The following MFSD12 variants were observed in gnomAD, a reference collection of about 807,000 sequenced individuals.
The protein encoded by MFSD12 is major facilitator superfamily domain-containing protein 12.
In MFSD12, 67 loss-of-function variants were observed where a neutral mutation model predicts 51.2. The ratio of observed to expected loss-of-function variants is 1.31; its 90% confidence interval spans 1.08 to 1.60. The LOEUF (loss-of-function observed/expected upper bound fraction) is 1.60. Ranked by LOEUF, MFSD12 falls within the 40% of genes most tolerant of loss-of-function variation. MFSD12 has a pLI of 0.00. For synonymous variants in MFSD12, 441 were observed against 316.7 expected, an observed-to-expected ratio of 1.39 and a Z score of -4.17; for missense variants, 921 against 673.0, an observed-to-expected ratio of 1.37 and a Z score of -4.08.
intron 6 of MFSD12, 92 bp from the exon 7 acceptor site, chr19:3,546,517 A>C (rs1419926875): frequency 1.9e-5 from 27 of 1,430,662 alleles, no homozygotes; most frequent in Non-Finnish European, 2.5e-5. Flanking sequence ...ACCCCAGCAA[A>C]CAAGGCATGA....
chr19:3,542,362 A>AT, downstream of MFSD12: 2 of 985,336 alleles, frequency 2.0e-6, no homozygotes, highest in South Asian at 9.4e-5. Context: ...GGCAGATGAG[A>AT]TTGTTTTGAA....
intron 4 of MFSD12, chr19:3,539,186 C>T (rs1359845700): frequency 5.2e-6 from 8 of 1,550,320 alleles, no homozygotes; most frequent in Non-Finnish European, 6.1e-6. Context: ...ACATGCAAAC[C>T]CTCAGGCAAG....
At chr19:3,548,773 CAGG>C (rs1307511129) in intron 2 of MFSD12, among the ~76,000 whole-genome samples, 2 of 152,316 alleles carry the variant, frequency 1.3e-5, no homozygotes, top group South Asian at 2.1e-4. Flanking sequence ...GTGAGCACAG[CAGG>C]AGGTCAGCTG....
intron 1 of MFSD12, among the ~76,000 whole-genome samples, chr19:3,554,450 C>CAAAAAA (rs1187548758): frequency 4.2e-5 from 3 of 71,786 alleles, no homozygotes; most frequent in South Asian, 4.2e-4. Context: ...AACAACAAAA[C>CAAAAAA]AAAAAAAAAA....
At chr19:3,545,884 G>C (rs17674497) in intron 8 of MFSD12, among the ~76,000 whole-genome samples, 190 bp downstream of exon 8, 1 of 152,076 alleles carries the variant, frequency 6.6e-6, no homozygotes, top group East Asian at 1.9e-4. Context: ...TGGACCCAAC[G>C]TTTGTTGAGT....
downstream of MFSD12, chr19:3,542,081 A>C: frequency 3.1e-6 from 3 of 977,668 alleles, no homozygotes; most frequent in South Asian, 1.4e-4. Context: ...AAGTGCTGGG[A>C]TTACAGGCAT....
At chr19:3,543,361 G>A (rs377153853), downstream of MFSD12, 266 of 1,549,376 alleles carry the variant, frequency 1.7e-4, 2 homozygotes, top group East Asian at 3.5e-3. Flanking sequence ...TGACCAACTC[G>A]GACGCCTGGG....
intron 1 of MFSD12, among the ~76,000 whole-genome samples, chr19:3,553,647 G>T (rs2031587184): frequency 7.2e-6 from 1 of 138,660 alleles, no homozygotes. Context: ...GCGGGCGCCT[G>T]TAGTCCCAGC....
downstream of MFSD12, among the ~76,000 whole-genome samples, chr19:3,541,257 G>GC (rs1286561115): frequency 2.0e-5 from 3 of 151,270 alleles, no homozygotes; most frequent in African/African-American, 4.9e-5. Context: ...GATCGCTTGA[G>GC]CCTAGGAGGT....
At position 3,539,141 on chromosome 19, in the gene MFSD12, A is replaced by G. The variant is rs776257605; in HGVS notation, c.*6-385T>C. ...TTTATGCTGTCAACGGTGGCCTCAG[A>G]GGCCTTCTGGCAGGAGCCCGGGGGA... is the stretch of plus-strand genomic sequence containing the variant. On this transcript the variant is annotated intron_variant, in intron 4 of 4. Coordinates refer to the MFSD12 transcript ENST00000398558. The G allele has an allele frequency of 3.4e-6, 5 of 1,467,824 alleles. No individual in the cohort carries two copies. The East Asian group carries it at 1.2e-4, about 36-fold the overall frequency. 90.9% of individuals were successfully genotyped at this position (1,467,824 alleles called of 1,614,324 possible). A position where few individuals can be genotyped will look rare whatever the true frequency, so the allele number is the denominator to read the frequency against.
At chr19:3,553,804 G>A (rs1471456595) in intron 1 of MFSD12, among the ~76,000 whole-genome samples, 4 of 150,944 alleles carry the variant, frequency 2.6e-5, no homozygotes, top group Non-Finnish European at 5.9e-5. Context: ...AGAAGAGGCT[G>A]GGTGCGGTGG....
At chr19:3,544,964 T>G (rs1272082866) in intron 8 of MFSD12, 25 bp from the exon 9 acceptor site, 29 of 1,588,294 alleles carry the variant, frequency 1.8e-5, no homozygotes, top group Non-Finnish European at 2.4e-5. Context: ...GGGGGATGAG[T>G]AGGCACCGCG....
intron 6 of MFSD12, among the ~76,000 whole-genome samples, chr19:3,547,069 AC>A (rs1355488769): frequency 2.0e-5 from 3 of 152,038 alleles, no homozygotes; most frequent in Non-Finnish European, 4.4e-5. Context: ...CGATCTCCTG[AC>A]CTCGTGATCC....
chr19:3,540,519 G>T (rs2030296842), downstream of MFSD12, among the ~76,000 whole-genome samples: 1 of 151,026 alleles, frequency 6.6e-6, no homozygotes, highest in Non-Finnish European at 1.5e-5. Context: ...GCCTCCCAAA[G>T]TGCTGGGATT....
exon 5 of MFSD12, chr19:3,538,751 C>G (rs765221736): frequency 2.0e-6 from 1 of 494,534 alleles, no homozygotes; most frequent in Admixed American, 2.3e-5. Context: ...GCGTGCAGGT[C>G]TCATCCTGGG....
At position 3,547,886 on chromosome 19, in the gene MFSD12, G is replaced by T; in HGVS notation, c.799C>A (p.Leu267Ile). 6.5e-7 allele frequency: 1 copy of T among 1,550,144 alleles called. No homozygotes were observed. The change falls in exon 4 of 10, where the codon CTC (leucine) becomes ATC (isoleucine). Residue 267 changes from leucine to isoleucine, a missense_variant. Coordinates refer to ENST00000355415, the MANE Select transcript of MFSD12 (RefSeq NM_174983.5). ...LAPATAQPLL[L>I]WKHWLREPAF... The stretch of plus-strand genomic sequence containing the variant: ...GGCTCCCGGAGCCAGTGCTTCCAGA[G>T]CAGCAGGGGCTGGGCCGTGGCAGGG...
At chr19:3,547,671 GC>G in intron 4 of MFSD12, 124 bp from the exon 5 acceptor site, 1 of 1,163,160 alleles carries the variant, frequency 8.6e-7, no homozygotes, top group African/African-American at 1.5e-5. Flanking sequence ...GGTAGTGACT[GC>G]CCAGTGGGGT....
downstream of MFSD12, chr19:3,543,908 C>T (rs2030693194): frequency 6.4e-7 from 1 of 1,550,964 alleles, no homozygotes; most frequent in African/African-American, 1.4e-5. Flanking sequence ...CACCCCAGCG[C>T]CCGCCCGGCA....
downstream of MFSD12, chr19:3,543,572 C>CGGGA: frequency 6.5e-7 from 1 of 1,541,164 alleles, no homozygotes. Context: ...CCAGCACCTG[C>CGGGA]GGGAGACCGC....
Sources: allele counts gnomAD v4.1 joint callset (sites outside exome capture counted in the v4.1 genomes callset), GRCh38; gene constraint gnomAD v4.1.1; transcripts MANE v1.5; gene names NCBI Gene and HGNC (gene_info 2026-07-23, HGNC 2026-07-21).